ABCB4: variants seen among roughly 807,000 people sequenced by gnomAD.
ABCB4 encodes the protein ATP binding cassette subfamily B member 4.
In ABCB4, 76 loss-of-function variants were observed where a neutral mutation model predicts 145.7. That is an observed-to-expected ratio of 0.52 (90% CI 0.43 to 0.63). ABCB4 has a LOEUF of 0.63. Among genes scored for constraint, ABCB4 ranks in the 30% least tolerant of loss-of-function variants. ABCB4 has a pLI of 0.00. For missense variants in ABCB4, 1,234 were observed against 1,553.1 expected, an observed-to-expected ratio of 0.79 and a Z score of 3.45; for synonymous variants, 517 against 566.8, an observed-to-expected ratio of 0.91 and a Z score of 1.25.
intron 19 of ABCB4, 105 bp from the exon 20 acceptor site, chr7:87,418,725 C>T: frequency 2.9e-6 from 3 of 1,032,768 alleles, no homozygotes; most frequent in Non-Finnish European, 4.4e-6. Flanking sequence ...TAGGGGAGAC[C>T]TCATATGCAG....
At chr7:87,453,219 T>C in intron 5 of ABCB4, 84 bp from the exon 6 acceptor site, 1 of 1,377,702 alleles carries the variant, frequency 7.3e-7, no homozygotes, top group Non-Finnish European at 1.0e-6. Flanking sequence ...AGTCTCACTC[T>C]GTCACCCAGG....
chr7:87,461,315 T>A (rs1224344546), intron 4 of ABCB4, among the ~76,000 whole-genome samples: 3 of 152,236 alleles, frequency 2.0e-5, no homozygotes, highest in African/African-American at 7.2e-5. Flanking sequence ...AAAGTTTTGG[T>A]CACTAGTCAC....
At chr7:87,463,202 C>T (rs1452251697) in intron 3 of ABCB4, among the ~76,000 whole-genome samples, 1 of 151,804 alleles carries the variant, frequency 6.6e-6, no homozygotes, top group Non-Finnish European at 1.5e-5. Context: ...TATCCCAGAG[C>T]TCCTGTGGTA....
At chr7:87,383,057 A>G in the ABCB4 span, among the ~76,000 whole-genome samples, 1 of 152,222 alleles carries the variant, frequency 6.6e-6, no homozygotes, top group East Asian at 1.9e-4. Flanking sequence ...GTAATGGTCA[A>G]ATCACGGTAA....
intron 4 of ABCB4, among the ~76,000 whole-genome samples, chr7:87,455,898 G>A (rs1446991223): frequency 6.6e-6 from 1 of 152,110 alleles, no homozygotes; most frequent in Non-Finnish European, 1.5e-5. Flanking sequence ...CTACTGTCAG[G>A]ATCAATTACC....
At chr7:87,462,723 C>T in intron 4 of ABCB4, 35 bp downstream of exon 4, 7 of 1,607,944 alleles carry the variant, frequency 4.4e-6, no homozygotes, top group South Asian at 1.1e-5. Flanking sequence ...TAAAGAAATG[C>T]TATGGATTTT....
At chr7:87,418,504 TA>T in intron 20 of ABCB4, 32 bp downstream of exon 20, 1 of 1,599,276 alleles carries the variant, frequency 6.3e-7, no homozygotes, top group Non-Finnish European at 8.6e-7. Context: ...CCATGTTATG[TA>T]AAAAACTACA....
the ABCB4 span, among the ~76,000 whole-genome samples, chr7:87,383,323 A>G: frequency 1.3e-5 from 2 of 151,756 alleles, no homozygotes; most frequent in African/African-American, 2.4e-5. Context: ...CACGAGATCA[A>G]TTTTTTTTAA....
At chr7:87,452,631 C>G (rs1438323932) in intron 6 of ABCB4, 2 of 393,286 alleles carry the variant, frequency 5.1e-6, no homozygotes, top group Non-Finnish European at 9.4e-6. Context: ...ATTCAATCAT[C>G]TATTCATTGA....
At chr7:87,389,175 G>A in the ABCB4 span, among the ~76,000 whole-genome samples, 1 of 152,148 alleles carries the variant, frequency 6.6e-6, no homozygotes, top group Non-Finnish European at 1.5e-5. Context: ...ACTGTTGGTG[G>A]GAGTGTAAAT....
At chr7:87,468,245 C>A (rs941633522) in intron 3 of ABCB4, among the ~76,000 whole-genome samples, 1 of 152,144 alleles carries the variant, frequency 6.6e-6, no homozygotes, top group African/African-American at 2.4e-5. Context: ...ATACAAACTA[C>A]CATCAGAGAA....
At chr7:87,367,058 T>C in the ABCB4 span, among the ~76,000 whole-genome samples, 2 of 152,222 alleles carry the variant, frequency 1.3e-5, no homozygotes, top group African/African-American at 4.8e-5. Flanking sequence ...GGCAGAATAA[T>C]GGTCCCCCAT....
chr7:87,407,499 G>A (rs549905300), intron 25 of ABCB4, among the ~76,000 whole-genome samples: 1 of 152,196 alleles, frequency 6.6e-6, no homozygotes, highest in Non-Finnish European at 1.5e-5. Flanking sequence ...GCAGATACAA[G>A]CATTATCAGT....
chr7:87,387,997 A>G, the ABCB4 span, among the ~76,000 whole-genome samples: 1 of 152,172 alleles, frequency 6.6e-6, no homozygotes, highest in Non-Finnish European at 1.5e-5. Flanking sequence ...TTCTGTGTCC[A>G]CAGTCAAATG....
chr7:87,372,080 A>AT, the ABCB4 span, among the ~76,000 whole-genome samples: 1 of 151,798 alleles, frequency 6.6e-6, no homozygotes, highest in South Asian at 2.1e-4. Context: ...TGTTGTTCGA[A>AT]TTGGCATATC....
At chr7:87,419,792 A>G (rs1472512071) in intron 19 of ABCB4, among the ~76,000 whole-genome samples, 2 of 75,998 alleles carry the variant, frequency 2.6e-5, no homozygotes, top group Non-Finnish European at 5.9e-5. Context: ...TTCTATGAAA[A>G]AAAACAAAAA....
rs781031651 is a variant in ABCB4 at position 87,428,773 on chromosome 7, T to C, written c.1894-1853A>G. ...AAATGTAGAAATAAGCTCAATCTTA[T>C]AAATAGTTAAATTTGAAGATACTGT... On this transcript the variant is annotated intron_variant, in intron 15 of 27. Transcript: ENST00000649586. 6.6e-5 allele frequency among the ~76,000 whole-genome samples: 10 copies of C among 152,314 alleles called. No individual in the cohort carries two copies. The East Asian group carries it at 7.7e-4, about 12-fold the overall frequency.
intron 5 of ABCB4, among the ~76,000 whole-genome samples, chr7:87,454,065 T>C (rs1233666242): frequency 1.3e-5 from 2 of 152,240 alleles, no homozygotes; most frequent in Non-Finnish European, 2.9e-5. Context: ...ATTTTTATTA[T>C]CTAATTTTAT....
At chr7:87,376,090 C>A in the ABCB4 span, 2 of 724,388 alleles carry the variant, frequency 2.8e-6, no homozygotes, top group Non-Finnish European at 4.2e-6. Context: ...TATACTTGTG[C>A]CAAATTGAAG....
Sources: allele counts gnomAD v4.1 joint callset (sites outside exome capture counted in the v4.1 genomes callset), GRCh38; gene constraint gnomAD v4.1.1; transcripts MANE v1.5; gene names NCBI Gene and HGNC (gene_info 2026-07-23, HGNC 2026-07-21).